Variants in NOS1AP observed in about 807,000 individuals in gnomAD.
NOS1AP encodes nitric oxide synthase 1 adaptor protein.
In NOS1AP, 21 loss-of-function variants were observed where a neutral mutation model predicts 56.2. That is an observed-to-expected ratio of 0.37 (90% confidence interval 0.26 to 0.54). NOS1AP has a LOEUF of 0.54. Ranked by LOEUF, NOS1AP falls within the 20% of genes least tolerant of loss-of-function variation. The pLI is 0.84. For missense variants in NOS1AP, 522 were observed against 657.8 expected (o/e 0.79, Z 2.26); for synonymous variants, 270 against 274.6 (o/e 0.98, Z 0.17).
intron 2 of NOS1AP, among the ~76,000 whole-genome samples, chr1:162,249,384 G>A (rs1274636136): frequency 6.6e-6 from 1 of 152,088 alleles, no homozygotes; most frequent in East Asian, 1.9e-4. Flanking sequence ...AGATGAGCTG[G>A]GTATTTTAGT....
intron 2 of NOS1AP, among the ~76,000 whole-genome samples, chr1:162,244,249 C>G (rs1404061549): frequency 6.6e-6 from 1 of 152,132 alleles, no homozygotes; most frequent in Admixed American, 6.5e-5. Context: ...GGGAACCTGT[C>G]TCCCCTCTCA....
intron 2 of NOS1AP, among the ~76,000 whole-genome samples, chr1:162,271,779 T>C (rs1654589024): frequency 6.6e-6 from 1 of 152,252 alleles, no homozygotes; most frequent in Non-Finnish European, 1.5e-5. Flanking sequence ...CTCACAGTTC[T>C]GGAGGCTGGA....
intron 8 of NOS1AP, 137 bp downstream of exon 8, chr1:162,357,273 T>A: frequency 1.4e-6 from 2 of 1,479,118 alleles, no homozygotes; most frequent in Non-Finnish European, 1.8e-6. Flanking sequence ...TCATTGCTTG[T>A]TGGGGAGTGG....
chr1:162,258,518 T>C (rs544917911), intron 2 of NOS1AP, among the ~76,000 whole-genome samples: 16 of 152,308 alleles, frequency 1.1e-4, no homozygotes, highest in African/African-American at 3.8e-4. Context: ...GTTTCTCGCA[T>C]TGACACGTAA....
intron 1 of NOS1AP, among the ~76,000 whole-genome samples, chr1:162,106,184 C>T (rs1647501367): frequency 6.6e-6 from 1 of 152,160 alleles, no homozygotes; most frequent in Non-Finnish European, 1.5e-5. Flanking sequence ...GTTTCCCAGG[C>T]AGGGCTGCAC....
At chr1:162,337,611 A>C (rs528186064) in intron 5 of NOS1AP, among the ~76,000 whole-genome samples, 4 of 152,368 alleles carry the variant, frequency 2.6e-5, no homozygotes, top group Admixed American at 2.6e-4. Context: ...AACTGTCCAC[A>C]GTCACCCAGT....
At chr1:162,111,281 G>A (rs919786280) in intron 1 of NOS1AP, among the ~76,000 whole-genome samples, 2 of 152,214 alleles carry the variant, frequency 1.3e-5, no homozygotes, top group Non-Finnish European at 2.9e-5. Context: ...GGCTTGGTAT[G>A]TTTGGAGAAC....
intron 3 of NOS1AP, among the ~76,000 whole-genome samples, chr1:162,297,810 CTAGACATTTTATATAAAA>C (rs1189707915): frequency 6.6e-6 from 1 of 152,124 alleles, no homozygotes; most frequent in Non-Finnish European, 1.5e-5. Flanking sequence ...GCTGAAAACC[CTAGACATTTTATATAAAA>C]TCAACATCAG....
Position 162,069,879 on chromosome 1 carries a change from G to A in NOS1AP, c.-299G>A, listed in dbSNP as rs867750941. On this transcript the variant is annotated 5_prime_UTR_variant, in exon 1 of 10. Coordinates refer to ENST00000361897, the MANE Select transcript of NOS1AP (RefSeq NM_014697.3). ...CGCAAGCCCCACCGCTCCCCTCCCC[G>A]GGCAGGGGCGCCGCGCAGCCCGCTC... The A allele has an allele frequency of 6.0e-6, 1 of 166,790 alleles. No homozygotes were observed. The highest frequency in any genetic ancestry group is 6.4e-5 in the Admixed American group (1 of 15,552). 10.3% of individuals were successfully genotyped at this position (166,790 alleles called of 1,614,324 possible).
intron 4 of NOS1AP, among the ~76,000 whole-genome samples, chr1:162,311,141 G>C (rs1401833939): frequency 6.6e-6 from 1 of 152,006 alleles, no homozygotes; most frequent in African/African-American, 2.4e-5. Flanking sequence ...GCCTGGCCTT[G>C]CTTTCCACCA....
At chr1:162,258,203 T>G (rs942260672) in intron 2 of NOS1AP, among the ~76,000 whole-genome samples, 3 of 152,180 alleles carry the variant, frequency 2.0e-5, no homozygotes, top group South Asian at 2.1e-4. Flanking sequence ...CCCTTTCATT[T>G]TATCACATAG....
intron 1 of NOS1AP, among the ~76,000 whole-genome samples, chr1:162,078,704 A>G (rs1272118787): frequency 6.6e-6 from 1 of 152,182 alleles, no homozygotes; most frequent in African/African-American, 2.4e-5. Context: ...TGTACCTACT[A>G]TATTAGAACC....
At chr1:162,283,299 C>G (rs772447951) in intron 2 of NOS1AP, among the ~76,000 whole-genome samples, 2 of 152,108 alleles carry the variant, frequency 1.3e-5, no homozygotes, top group African/African-American at 4.8e-5. Context: ...CCCCTGGACT[C>G]TGAGGAAGTA....
intron 2 of NOS1AP, among the ~76,000 whole-genome samples, chr1:162,251,097 A>G (rs746398048): frequency 7.0e-6 from 1 of 143,360 alleles, no homozygotes; most frequent in South Asian, 2.2e-4. Context: ...TTTGTTTGAT[A>G]GTGTCATGAG....
intron 1 of NOS1AP, among the ~76,000 whole-genome samples, chr1:162,139,138 C>G (rs1178361194): frequency 6.6e-6 from 1 of 152,136 alleles, no homozygotes; most frequent in Non-Finnish European, 1.5e-5. Flanking sequence ...GTGTCTACCT[C>G]TTAGCCCATC....
At chr1:162,074,168 A>G (rs993258380) in intron 1 of NOS1AP, among the ~76,000 whole-genome samples, 6 of 152,236 alleles carry the variant, frequency 3.9e-5, no homozygotes, top group Non-Finnish European at 5.9e-5. Flanking sequence ...AGACCAAAAA[A>G]TGGAGATCAG....
chr1:162,107,476 G>GCTACT lies in NOS1AP; in HGVS notation c.105+37194_105+37195insCTACT, dbSNP rs540315360. Among the ~76,000 whole-genome samples the GCTACT allele has an allele frequency of 3.6e-3, 547 of 152,284 alleles. 2 individuals are homozygous for GCTACT. Among genetic ancestry groups the GCTACT allele is most frequent in the African/African-American group, 0.012 (513 of 41,552 alleles). ...AGCCTTCTTAGTAGCTAGGACTATAGGTGTGCACCACCACACTCAGCTAAT... is the reference window on the plus strand; with the variant it reads ...AGCCTTCTTAGTAGCTAGGACTATAGCTACTGTGTGCACCACCACACTCAGCTAAT... On this transcript the variant is annotated intron_variant, in intron 1 of 9. Transcript: ENST00000361897.
chr1:162,141,899 G>C (rs1183539825), intron 1 of NOS1AP, among the ~76,000 whole-genome samples: 1 of 152,214 alleles, frequency 6.6e-6, no homozygotes, highest in African/African-American at 2.4e-5. Flanking sequence ...TCTTTATAGT[G>C]CAGGAGGAGT....
At chr1:162,282,983 A>G (rs891693076) in intron 2 of NOS1AP, among the ~76,000 whole-genome samples, 3 of 152,092 alleles carry the variant, frequency 2.0e-5, no homozygotes, top group Admixed American at 1.3e-4. Flanking sequence ...CCTGCTTCCT[A>G]TGAAGCAGGT....
Sources: allele counts gnomAD v4.1 joint callset (sites outside exome capture counted in the v4.1 genomes callset), GRCh38; gene constraint gnomAD v4.1.1; transcripts MANE v1.5; gene names NCBI Gene and HGNC (gene_info 2026-07-23, HGNC 2026-07-21).